ARMC7: variants seen among roughly 807,000 people sequenced by gnomAD.
ARMC7 encodes armadillo repeat containing 7.
In ARMC7, 9 loss-of-function variants were observed where a neutral mutation model predicts 14.8. The ratio of observed to expected loss-of-function variants is 0.61; its 90% CI spans 0.37 to 1.06. The LOEUF (loss-of-function observed/expected upper bound fraction) is 1.06. ARMC7 is among the 50% of genes least tolerant of loss of function. ARMC7 has a pLI of 0.01. For synonymous variants in ARMC7, 125 were observed against 123.4 expected, an observed-to-expected ratio of 1.01 and a Z score of -0.09; for missense variants, 262 against 267.1, an observed-to-expected ratio of 0.98 and a Z score of 0.13.
chr17:75,111,220 G>A (rs1481979911), intron 2 of ARMC7, among the ~76,000 whole-genome samples: 3 of 151,942 alleles, frequency 2.0e-5, no homozygotes, highest in South Asian at 2.1e-4. Flanking sequence ...TGAGGTGGGC[G>A]GATCACCTGA....
chr17:75,122,650 C>A (rs1372304541), intron 2 of ARMC7, among the ~76,000 whole-genome samples: 5 of 152,138 alleles, frequency 3.3e-5, no homozygotes, highest in African/African-American at 1.2e-4. Flanking sequence ...GAGTGAGCCA[C>A]TGTGCCTGGC....
chr17:75,117,329 G>A (rs57386189), intron 2 of ARMC7, among the ~76,000 whole-genome samples: 3 of 152,104 alleles, frequency 2.0e-5, no homozygotes, highest in Admixed American at 6.6e-5. Flanking sequence ...CGCCCGCCTC[G>A]GCCTCCCAAA....
rs1369748261 is a variant in ARMC7, at chr17:75,110,521, C to T, written c.150C>T (p.Tyr50=). Residue 50 remains tyrosine, a synonymous_variant, in exon 2 of 3, where the codon TAC becomes TAT. Transcript: ENST00000245543. ...LANFAYDPSN[Y]EYLRQLQVLD... The stretch of plus-strand genomic sequence containing the variant: ...ACTTCGCTTATGACCCCAGCAACTA[C>T]GAGTATCTGCGGCAGCTGCAGGTCC... 8 of 1,614,136 alleles carry T rather than the reference C, an allele frequency of 5.0e-6. No individual in the cohort carries two copies. The highest frequency in any genetic ancestry group is 6.8e-6 in the Non-Finnish European group (8 of 1,180,056).
At chr17:75,126,958 A>T (rs999942840) in intron 2 of ARMC7, among the ~76,000 whole-genome samples, 1 of 149,940 alleles carries the variant, frequency 6.7e-6, no homozygotes, top group Non-Finnish European at 1.5e-5. Context: ...GCTACTTGGG[A>T]GGCTGAGGCA....
intron 2 of ARMC7, among the ~76,000 whole-genome samples, chr17:75,125,683 C>CAA (rs368556253): frequency 6.7e-6 from 1 of 148,968 alleles, no homozygotes; most frequent in South Asian, 2.1e-4. Flanking sequence ...ACTAAAAATA[C>CAA]AAAAAAAAAA....
At chr17:75,124,069 G>A (rs2074033419) in intron 2 of ARMC7, among the ~76,000 whole-genome samples, 1 of 152,200 alleles carries the variant, frequency 6.6e-6, no homozygotes, top group African/African-American at 2.4e-5. Flanking sequence ...GGTAGACCCA[G>A]GGAGAAGCTC....
chr17:75,129,254 C>T lies in ARMC7; in HGVS notation c.*216C>T, dbSNP rs1488633642. On this transcript the variant is annotated 3_prime_UTR_variant, in exon 3 of 3. Coordinates refer to ENST00000245543, the MANE Select transcript of ARMC7 (RefSeq NM_024585.4). ...CACGGAGAAGATCAAACTGGAGCTG[C>T]GTTCATAGGCTGGCACTCTCAATCC... 3.0e-5 allele frequency: 20 copies of T among 661,948 alleles called. No individual in the cohort carries two copies. Among genetic ancestry groups the T allele is most frequent in the East Asian group, 5.7e-5 (2 of 35,268 alleles). The allele number at this position is 661,948 out of a possible 1,614,324, so 41.0% of individuals were successfully genotyped here.
intron 2 of ARMC7, among the ~76,000 whole-genome samples, 168 bp from the exon 3 acceptor site, chr17:75,128,509 G>A (rs961677829): frequency 6.6e-6 from 1 of 152,172 alleles, no homozygotes; most frequent in African/African-American, 2.4e-5. Context: ...GAGCAGGCAG[G>A]CAGGCCTTTC....
At chr17:75,127,165 G>T (rs961979269) in intron 2 of ARMC7, among the ~76,000 whole-genome samples, 1 of 151,994 alleles carries the variant, frequency 6.6e-6, no homozygotes, top group Non-Finnish European at 1.5e-5. Context: ...CTTAAAGCCG[G>T]AAGTTCAAGA....
rs143284976 is a variant in ARMC7, at chr17:75,111,874, G to A, written c.235+1268G>A. ...TATTCACTGGGTAGATATTTATTGC[G>A]CGTGTACCGTATATGCAAGCTACTG... On this transcript the variant is annotated intron_variant, in intron 2 of 2. Transcript: ENST00000245543. Among the ~76,000 whole-genome samples the A allele has an allele frequency of 3.4e-3, 515 of 151,584 alleles. 8 individuals are homozygous for A. The highest frequency in any genetic ancestry group is 0.019 in the East Asian group (100 of 5,192).
At chr17:75,112,646 G>A (rs1395361456) in intron 2 of ARMC7, among the ~76,000 whole-genome samples, 1 of 141,944 alleles carries the variant, frequency 7.0e-6, no homozygotes, top group African/African-American at 2.7e-5. Flanking sequence ...TGTGATCATA[G>A]CTCACCATAA....
intron 2 of ARMC7, among the ~76,000 whole-genome samples, chr17:75,113,493 T>G (rs1407348549): frequency 6.6e-6 from 1 of 151,444 alleles, no homozygotes; most frequent in Non-Finnish European, 1.5e-5. Flanking sequence ...TAGCTGGGAT[T>G]ACAGGCGCCC....
chr17:75,114,393 C>T (rs1164088366), intron 2 of ARMC7: 5 of 396,474 alleles, frequency 1.3e-5, no homozygotes, highest in African/African-American at 1.0e-4. Context: ...CCCTGAGGTC[C>T]GGGTCCACTG....
intron 2 of ARMC7, chr17:75,114,312 G>A (rs1689569153): frequency 2.5e-6 from 1 of 400,398 alleles, no homozygotes; most frequent in Non-Finnish European, 4.4e-6. Flanking sequence ...CACCAAAAGT[G>A]TTTACCAAGT....
chr17:75,128,952 C>G lies in ARMC7; in HGVS notation c.511C>G (p.Arg171Gly), dbSNP rs139544831. ...QIFLEDFCSPRQVAEARSRQA... is the reference protein window; with the variant it reads ...QIFLEDFCSPGQVAEARSRQA... The stretch of plus-strand genomic sequence containing the variant: ...CTTCCTGGAGGACTTCTGCTCCCCC[C>G]GCCAGGTGGCCGAGGCCCGCAGCCG... The change falls in exon 3 of 3, where the codon CGC becomes GGC. Residue 171 changes from arginine (R) to glycine (G), a missense_variant. Transcript: ENST00000245543. 4.4e-6 allele frequency: 7 copies of G among 1,605,276 alleles called. No homozygotes were observed. Among genetic ancestry groups the G allele is most frequent in the South Asian group, 1.1e-5 (1 of 90,970 alleles).
chr17:75,115,343 C>A (rs1429738945), intron 2 of ARMC7, among the ~76,000 whole-genome samples: 1 of 152,118 alleles, frequency 6.6e-6, no homozygotes, highest in Non-Finnish European at 1.5e-5. Flanking sequence ...AGTTCGAGAC[C>A]AGCCTGGCCA....
chr17:75,123,048 T>A (rs1484673098), intron 2 of ARMC7, among the ~76,000 whole-genome samples: 2 of 151,158 alleles, frequency 1.3e-5, no homozygotes, highest in African/African-American at 4.9e-5. Context: ...TTTTTTTTTT[T>A]TAATTTTTGA....
In ARMC7 at chr17:75,129,065, C is replaced by T; in HGVS notation, c.*27C>T. The T allele has an allele frequency of 1.9e-6, 3 of 1,572,846 alleles. No homozygotes were observed. The highest frequency in any genetic ancestry group is 1.1e-5 in the South Asian group (1 of 87,788). ...CCATGGAGACTGCGAGACCGTGGCACCCCTACTGCTGGAGACCACAGTCCT... is the reference window on the plus strand; with the variant it reads ...CCATGGAGACTGCGAGACCGTGGCATCCCTACTGCTGGAGACCACAGTCCT... On this transcript the variant is annotated 3_prime_UTR_variant, in exon 3 of 3. Transcript: ENST00000245543.
At chr17:75,114,532 G>A (rs2073958702) in intron 2 of ARMC7, 1 of 392,168 alleles carries the variant, frequency 2.5e-6, no homozygotes, top group Non-Finnish European at 4.5e-6. Flanking sequence ...ATTCCTAGAA[G>A]CTGAGTCCCG....
Sources: gnomAD v4.1 joint callset for allele counts (sites outside exome capture counted in the v4.1 genomes callset) on GRCh38, gnomAD v4.1.1 for gene constraint, MANE v1.5 for transcripts, NCBI Gene and HGNC (gene_info 2026-07-23, HGNC 2026-07-21) for gene names.